Variants in GALNT18 observed in about 807,000 individuals in gnomAD.
GALNT18 encodes polypeptide N-acetylgalactosaminyltransferase 18.
In GALNT18, 44 loss-of-function variants were observed where a neutral mutation model predicts 69.5. The ratio of observed to expected loss-of-function variants is 0.63; its 90% CI spans 0.50 to 0.81. The LOEUF is 0.81. Ranked by LOEUF, GALNT18 falls within the 40% of genes least tolerant of loss-of-function variation. The pLI, the probability that GALNT18 is intolerant of heterozygous loss-of-function variation, is 0.00. For synonymous variants in GALNT18, 364 were observed against 318.2 expected (o/e 1.14, Z -1.53); for missense variants, 715 against 810.0 (o/e 0.88, Z 1.42).
At position 11,432,478 on chromosome 11, in the gene GALNT18, G is replaced by A. The variant is rs2133794146; in HGVS notation, c.595+143C>T. On this transcript the variant is annotated intron_variant, in intron 3 of 10. Transcript: ENST00000227756. This position sits in a 1 kb window ranked among gnomAD's most constrained non-coding sequence, Gnocchi z 5.8. ...GACGGAGTGAACCTTCTGAAGCAGT[G>A]GCCACCATGAATTTCTCATCTATGC... The A allele has an allele frequency of 1.7e-5, 14 of 820,594 alleles. No homozygotes were observed. In the South Asian group the frequency reaches 2.3e-4, roughly 14 times the overall value. The allele number at this position is 820,594 out of a possible 1,614,324, so 50.8% of individuals were successfully genotyped here. A position where few individuals can be genotyped will look rare whatever the true frequency, so the allele number is the denominator to read the frequency against.
intron 1 of GALNT18, among the ~76,000 whole-genome samples, chr11:11,525,352 C>T (rs1857495458): frequency 6.6e-6 from 1 of 152,020 alleles, no homozygotes; most frequent in African/African-American, 2.4e-5. Flanking sequence ...AAGCAGGGAG[C>T]TCAATGAATA....
intron 5 of GALNT18, among the ~76,000 whole-genome samples, chr11:11,376,191 G>T (rs980958533): frequency 6.6e-6 from 1 of 152,126 alleles, no homozygotes; most frequent in Non-Finnish European, 1.5e-5. Context: ...GACCAGCCTG[G>T]CCAACATGAT....
Position 11,536,651 on chromosome 11 carries a change from C to CAA in GALNT18, c.235+84706_235+84707dup, listed in dbSNP as rs60605695. 4.3e-4 allele frequency among the ~76,000 whole-genome samples: 59 copies of CAA among 137,152 alleles called. 1 individual carries two copies. Among genetic ancestry groups the CAA allele is most frequent in the African/African-American group, 1.1e-3 (42 of 37,566 alleles). The allele number at this position is 137,152 out of a possible 152,430, so 90.0% of individuals were successfully genotyped here. A position where few individuals can be genotyped will look rare whatever the true frequency, so the allele number is the denominator to read the frequency against. ...CGTATCTTAGAAATGAAAATTGAGA[C>CAA]AAAAAAAAAAAAACCTCCTGGTCCC... On this transcript the variant is annotated intron_variant, in intron 1 of 10. Coordinates refer to ENST00000227756, the MANE Select transcript of GALNT18 (RefSeq NM_198516.3).
intron 1 of GALNT18, among the ~76,000 whole-genome samples, chr11:11,551,367 G>A (rs1032692455): frequency 2.6e-5 from 4 of 152,092 alleles, no homozygotes; most frequent in Admixed American, 1.3e-4. Flanking sequence ...TAAGACCACT[G>A]CCTTAGCCTG....
At position 11,622,002 on chromosome 11, in the gene GALNT18, C is replaced by CCGCGGG. The variant is rs1490940239; in HGVS notation, c.-410_-409insCCCGCG. The CCGCGGG allele has an allele frequency of 1.7e-4, 27 of 161,218 alleles. No individual in the cohort carries two copies. Among genetic ancestry groups the CCGCGGG allele is most frequent in the Non-Finnish European group, 3.0e-4 (22 of 74,422 alleles). 10.0% of individuals were successfully genotyped at this position (161,218 alleles called of 1,614,324 possible). On this transcript the variant is annotated 5_prime_UTR_variant, in exon 1 of 11. Transcript: ENST00000227756. ...CGACCGGCCCGCGCTGCTAGGAGAA[C>CCGCGGG]AGCGGCAGCGGCAGCGGCGGCGGGG...
chr11:11,377,116 G>A lies in GALNT18; in HGVS notation c.977+66C>T. ...GGCTCAAGTTGGAGAATAAGCATTG[G>A]ACCAGTAGGCGGTCCCTAGCCTGGA... On this transcript the variant is annotated intron_variant, in intron 5 of 10. Coordinates refer to ENST00000227756, the MANE Select transcript of GALNT18 (RefSeq NM_198516.3). The surrounding 1 kb of genome is among the most constrained non-coding windows in gnomAD (Gnocchi z 4.6). 3 of 1,475,102 alleles carry A rather than the reference G, an allele frequency of 2.0e-6. No homozygotes were observed. In the South Asian group the frequency reaches 3.5e-5, roughly 17 times the overall value. The allele number at this position is 1,475,102 out of a possible 1,614,324, so 91.4% of individuals were successfully genotyped here.
chr11:11,332,659 G>A lies in GALNT18; in HGVS notation c.1416+35C>T, dbSNP rs369966732. ...CTTCACTATGTTTCTTTCTGTCTGTGTCTGAATGAAACCCGGAGGAGGCCA... is the reference window on the plus strand; with the variant it reads ...CTTCACTATGTTTCTTTCTGTCTGTATCTGAATGAAACCCGGAGGAGGCCA... On this transcript the variant is annotated intron_variant, in intron 8 of 10. Coordinates refer to ENST00000227756, the MANE Select transcript of GALNT18 (RefSeq NM_198516.3). The surrounding 1 kb of genome is among the most constrained non-coding windows in gnomAD (Gnocchi z 4.3). The A allele has an allele frequency of 1.9e-6, 3 of 1,610,300 alleles. No individual in the cohort carries two copies. Among genetic ancestry groups the A allele is most frequent in the East Asian group, 2.2e-5 (1 of 44,780 alleles).
intron 1 of GALNT18, among the ~76,000 whole-genome samples, chr11:11,581,784 G>A (rs1859094713): frequency 6.6e-6 from 1 of 152,116 alleles, no homozygotes; most frequent in African/African-American, 2.4e-5. Context: ...GAAGCAGCCA[G>A]GCAGGGAGAG....
intron 1 of GALNT18, among the ~76,000 whole-genome samples, chr11:11,549,563 T>C (rs1858142191): frequency 6.6e-6 from 1 of 152,224 alleles, no homozygotes. Context: ...CAGGCCACCT[T>C]GGTCCTTAAG....
At chr11:11,548,595 C>T (rs973603576) in intron 1 of GALNT18, among the ~76,000 whole-genome samples, 1 of 152,222 alleles carries the variant, frequency 6.6e-6, no homozygotes, top group Non-Finnish European at 1.5e-5. Context: ...CTGAAAGCCT[C>T]CTGCCCATCT....
chr11:11,276,944 T>C (rs1265852066), intron 10 of GALNT18, among the ~76,000 whole-genome samples: 1 of 152,230 alleles, frequency 6.6e-6, no homozygotes, highest in Non-Finnish European at 1.5e-5. Context: ...CACATTGATG[T>C]TCATCAGGGA....
intron 1 of GALNT18, among the ~76,000 whole-genome samples, chr11:11,451,461 C>A (rs1054014769): frequency 5.3e-5 from 8 of 152,154 alleles, no homozygotes; most frequent in African/African-American, 1.9e-4. Context: ...CCTGGTGACA[C>A]CACATGGTCC....
intron 8 of GALNT18, among the ~76,000 whole-genome samples, chr11:11,330,959 G>T (rs1850008117): frequency 6.6e-6 from 1 of 152,210 alleles, no homozygotes; most frequent in Admixed American, 6.5e-5. Context: ...CTGGCTCACA[G>T]AGGCTTGGGG....
chr11:11,379,347 A>T (rs1009271554), intron 3 of GALNT18, 83 bp from the exon 4 acceptor site: 1 of 1,363,492 alleles, frequency 7.3e-7, no homozygotes, highest in African/African-American at 1.4e-5. Context: ...TCTTTTAGTG[A>T]TGACCCCCAG....
intron 1 of GALNT18, among the ~76,000 whole-genome samples, chr11:11,481,247 C>A (rs1186849001): frequency 6.6e-6 from 1 of 150,910 alleles, no homozygotes; most frequent in Non-Finnish European, 1.5e-5. Flanking sequence ...TCTGTGCTAC[C>A]CCTTGCCCTG....
chr11:11,341,669 T>C lies in GALNT18; in HGVS notation c.1093-665A>G, dbSNP rs934871672. Among the ~76,000 whole-genome samples the C allele has an allele frequency of 2.0e-5, 3 of 152,222 alleles. No individual in the cohort carries two copies. The highest frequency in any genetic ancestry group is 7.2e-5 in the African/African-American group (3 of 41,468). On this transcript the variant is annotated intron_variant, in intron 6 of 10. Transcript: ENST00000227756. This position sits in a 1 kb window ranked among gnomAD's most constrained non-coding sequence, Gnocchi z 6.3. ...GCATTCTAAGTGTTAATGGGCAGCATCTCAAAGCTCTCGCTACAATCTTTC... is the reference window on the plus strand; with the variant it reads ...GCATTCTAAGTGTTAATGGGCAGCACCTCAAAGCTCTCGCTACAATCTTTC...
At chr11:11,329,302 C>A (rs548741531) in intron 8 of GALNT18, among the ~76,000 whole-genome samples, 1 of 151,978 alleles carries the variant, frequency 6.6e-6, no homozygotes, top group African/African-American at 2.4e-5. Context: ...AGGAATGCAT[C>A]TATGTGTCAG....
intron 1 of GALNT18, among the ~76,000 whole-genome samples, chr11:11,521,172 C>T (rs1041232030): frequency 2.6e-5 from 4 of 151,840 alleles, no homozygotes; most frequent in African/African-American, 9.7e-5. Flanking sequence ...TCTTTTGTGC[C>T]CCATAATGAG....
chr11:11,449,592 GC>G (rs1323847549), intron 1 of GALNT18, among the ~76,000 whole-genome samples: 2 of 152,232 alleles, frequency 1.3e-5, no homozygotes, highest in Non-Finnish European at 2.9e-5. Flanking sequence ...GCTCATGGGA[GC>G]CCTTGTGGAC....
Sources: gnomAD v4.1 joint callset for allele counts (sites outside exome capture counted in the v4.1 genomes callset) on GRCh38, gnomAD v4.1.1 for gene constraint, Gnocchi (gnomAD v3.1) non-coding constraint, MANE v1.5 for transcripts, NCBI Gene and HGNC (gene_info 2026-07-23, HGNC 2026-07-21) for gene names.